Variants in PPP2R2C observed in about 807,000 individuals in gnomAD.
PPP2R2C encodes the protein protein phosphatase 2, regulatory subunit B, gamma.
In PPP2R2C, 10 loss-of-function variants were observed where a neutral mutation model predicts 45.3. That is an observed-to-expected ratio of 0.22 (90% CI 0.14 to 0.37). The LOEUF (loss-of-function observed/expected upper bound fraction) is 0.37. PPP2R2C is among the 10% of genes least tolerant of loss of function. PPP2R2C has a pLI of 1.00. For missense variants in PPP2R2C, 308 were observed against 619.7 expected (o/e 0.50, Z 5.34); for synonymous variants, 257 against 245.4 (o/e 1.05, Z -0.44).
chr4:6,465,127 A>T (rs1427185067), intron 1 of PPP2R2C, among the ~76,000 whole-genome samples: 1 of 152,000 alleles, frequency 6.6e-6, no homozygotes, highest in African/African-American at 2.4e-5. Flanking sequence ...CACAGAAAAG[A>T]CTGGCCGCAA....
At position 6,554,955 on chromosome 4, in the gene PPP2R2C, G is replaced by GA. The variant is rs368400246; in HGVS notation, c.-59+8604dup. Among the ~76,000 whole-genome samples the GA allele has an allele frequency of 2.1e-4, 28 of 131,976 alleles. No homozygotes were observed. The South Asian group carries it at 3.7e-3, about 18-fold the overall frequency. 86.6% of individuals were successfully genotyped at this position (131,976 alleles called of 152,430 possible). Reference sequence around the variant, plus strand: ...GGAAAGAAAGAAAGAAAGAAAGAAAGAAAGAAAGAAAGAGAAAGAAAGAAA... The same window carrying GA: ...GGAAAGAAAGAAAGAAAGAAAGAAAGAAAAGAAAGAAAGAGAAAGAAAGAAA... On this transcript the variant is annotated intron_variant, in intron 1 of 9. Coordinates refer to the PPP2R2C transcript ENST00000506140.
chr4:6,381,993 G>A (rs1465233061), intron 1 of PPP2R2C: 1 of 1,423,522 alleles, frequency 7.0e-7, no homozygotes, highest in Non-Finnish European at 9.1e-7. Flanking sequence ...GGAGGACAAG[G>A]CCCTAGCCTG....
chr4:6,400,178 A>T (rs570755841), intron 1 of PPP2R2C, among the ~76,000 whole-genome samples: 2 of 152,274 alleles, frequency 1.3e-5, no homozygotes, highest in Non-Finnish European at 2.9e-5. Flanking sequence ...TTCCAACTAC[A>T]TATCTGTTTG....
intron 5 of PPP2R2C, chr4:6,350,670 CA>C (rs33943664): frequency 0.98 from 970,103 of 985,318 alleles, 477,939 homozygotes; most frequent in East Asian, 1. Context: ...GGTTCTCTCC[CA>C]AGGGGAGACC....
chr4:6,383,339 T>C (rs17721365), intron 1 of PPP2R2C: 3 of 1,288,562 alleles, frequency 2.3e-6, no homozygotes, highest in Non-Finnish European at 3.0e-6. Context: ...AGATGCAAGA[T>C]GATGAAAACA....
rs1417436148 is a variant in PPP2R2C, at chr4:6,331,194, T to G, written c.961-1841A>C. Among the ~76,000 whole-genome samples, 1 of 152,188 alleles carries G rather than the reference T, an allele frequency of 6.6e-6. No homozygotes were observed. The highest frequency in any genetic ancestry group is 1.5e-5 in the Non-Finnish European group (1 of 68,042). On this transcript the variant is annotated intron_variant, in intron 7 of 8. Coordinates refer to ENST00000382599, the MANE Select transcript of PPP2R2C (RefSeq NM_020416.4). The surrounding 1 kb of genome is among the most constrained non-coding windows in gnomAD (Gnocchi z 5.9). ...TGCACGCGTCCAAATGCGCATGCTGTTCTCTCTGCCGTGCACTAAGCATCT... is the reference window on the plus strand; with the variant it reads ...TGCACGCGTCCAAATGCGCATGCTGGTCTCTCTGCCGTGCACTAAGCATCT...
intron 2 of PPP2R2C, among the ~76,000 whole-genome samples, chr4:6,500,208 C>T (rs1577223309): frequency 6.6e-6 from 1 of 152,240 alleles, no homozygotes; most frequent in South Asian, 2.1e-4. Context: ...AGTGTAATGG[C>T]GTGATCTCGG....
chr4:6,455,502 C>G (rs1720975038), intron 1 of PPP2R2C, among the ~76,000 whole-genome samples: 1 of 152,294 alleles, frequency 6.6e-6, no homozygotes, highest in African/African-American at 2.4e-5. Context: ...AGCCTTCCTC[C>G]AGCACACTGG....
At chr4:6,478,437 T>G (rs1162879449) in intron 2 of PPP2R2C, among the ~76,000 whole-genome samples, 1 of 152,172 alleles carries the variant, frequency 6.6e-6, no homozygotes, top group Admixed American at 6.5e-5. Flanking sequence ...GACAAATTCT[T>G]TTTTTCACTG....
At chr4:6,410,840 GT>G (rs1163851146) in intron 1 of PPP2R2C, among the ~76,000 whole-genome samples, 6 of 132,972 alleles carry the variant, frequency 4.5e-5, no homozygotes, top group African/African-American at 1.4e-4. Context: ...TATTCCCCCT[GT>G]TTTATTTATT....
chr4:6,399,784 G>C (rs555967977), intron 1 of PPP2R2C, among the ~76,000 whole-genome samples: 25 of 152,336 alleles, frequency 1.6e-4, no homozygotes, highest in African/African-American at 4.8e-4. Flanking sequence ...TGAGCTAATG[G>C]GTAATTCAGC....
intron 5 of PPP2R2C, chr4:6,350,969 C>T (rs1042005179): frequency 2.2e-5 from 22 of 985,212 alleles, no homozygotes; most frequent in African/African-American, 7.0e-5. Context: ...TCCACCCAAA[C>T]GCTCTTTCCT....
At chr4:6,410,194 G>A (rs1177852726) in intron 1 of PPP2R2C, among the ~76,000 whole-genome samples, 5 of 152,220 alleles carry the variant, frequency 3.3e-5, no homozygotes, top group Admixed American at 1.3e-4. Flanking sequence ...GAAGCAGAGT[G>A]TGAGCTGTGA....
intron 1 of PPP2R2C, among the ~76,000 whole-genome samples, chr4:6,547,509 T>G (rs1725026035): frequency 6.6e-6 from 1 of 151,908 alleles, no homozygotes; most frequent in Non-Finnish European, 1.5e-5. Flanking sequence ...GAAGCCCACC[T>G]CACCAATAAC....
chr4:6,528,533 CAG>C (rs368586375), intron 2 of PPP2R2C, among the ~76,000 whole-genome samples: 56,575 of 152,014 alleles, frequency 0.37, 11,306 homozygotes, highest in African/African-American at 0.52. Context: ...GTCTGAGAGC[CAG>C]TGTGTTCTGA....
rs59527663 is a variant in PPP2R2C at position 6,324,434 on chromosome 4, A to AAAAAG, written c.1053-846_1053-842dup. On this transcript the variant is annotated intron_variant, in intron 8 of 8. Transcript: ENST00000382599. This position sits in a 1 kb window ranked among gnomAD's most constrained non-coding sequence, Gnocchi z 4.1. ...CAATAAGAGCAAAACTCCGTCTCGA[A>AAAAAG]AAAAGAAAAGAAAAGAAAAGAAAAG... Among the ~76,000 whole-genome samples, 1,134 of 150,980 alleles carry AAAAAG rather than the reference A, an allele frequency of 7.5e-3. 9 individuals carry two copies. The highest frequency in any genetic ancestry group is 0.026 in the African/African-American group (1,055 of 41,116).
chr4:6,404,832 C>A (rs541537289), intron 1 of PPP2R2C, among the ~76,000 whole-genome samples: 116 of 152,296 alleles, frequency 7.6e-4, no homozygotes, highest in Non-Finnish European at 1.2e-3. Context: ...GCAGAGCAGG[C>A]GAGGGGGCTG....
chr4:6,363,225 T>C (rs1194798185), intron 5 of PPP2R2C, among the ~76,000 whole-genome samples: 1 of 152,272 alleles, frequency 6.6e-6, no homozygotes, highest in South Asian at 2.1e-4. Flanking sequence ...ACTTGAACAA[T>C]ACCCTCTCTT....
chr4:6,406,120 G>T (rs573817768), intron 1 of PPP2R2C, among the ~76,000 whole-genome samples: 1 of 152,126 alleles, frequency 6.6e-6, no homozygotes, highest in Admixed American at 6.5e-5. Context: ...AAGAACTAAC[G>T]TATTTATTTT....
Sources: allele counts gnomAD v4.1 joint callset (sites outside exome capture counted in the v4.1 genomes callset), GRCh38; gene constraint gnomAD v4.1.1; non-coding constraint Gnocchi (gnomAD v3.1); transcripts MANE v1.5; gene names NCBI Gene and HGNC (gene_info 2026-07-23, HGNC 2026-07-21).